Variants in RASGRF2 observed in about 807,000 individuals in gnomAD.
The protein encoded by RASGRF2 is Ras protein specific guanine nucleotide releasing factor 2.
RASGRF2 carries 76 observed loss-of-function variants against 151.0 expected under a neutral mutation model. The observed-to-expected ratio is 0.50, with a 90% confidence interval of 0.42 to 0.61. The LOEUF is 0.61. RASGRF2 is among the 20% of genes least tolerant of loss of function. The pLI is 0.00. For missense variants in RASGRF2, 1,148 were observed against 1,564.6 expected, an observed-to-expected ratio of 0.73 and a Z score of 4.49; for synonymous variants, 504 against 566.5, an observed-to-expected ratio of 0.89 and a Z score of 1.57.
chr5:81,003,788 GAGGCTGA>G (rs1422449019), intron 1 of RASGRF2, among the ~76,000 whole-genome samples: 1 of 152,218 alleles, frequency 6.6e-6, no homozygotes. Context: ...GGCCAGTGCT[GAGGCTGA>G]ACTACAGACC....
At position 81,085,887 on chromosome 5, in the gene RASGRF2, A is replaced by T; in HGVS notation, c.1247A>T (p.Lys416Ile). 1 of 1,614,154 alleles carries T rather than the reference A, an allele frequency of 6.2e-7. No homozygotes were observed. Among genetic ancestry groups the T allele is most frequent in the East Asian group, 2.2e-5 (1 of 44,870 alleles). ...GAAAGGAAAAGCCTGGAGTTTGCCA[A>T]ATCAAAGCTAGAGGAACTATCCAGG... is the stretch of plus-strand genomic sequence containing the variant. ...HVERKSLEFA[K>I]SKLEELSRVM... Residue 416 changes from lysine to isoleucine, a missense_variant, in exon 8 of 27, where the codon AAA (lysine) becomes ATA (isoleucine). Lys to Ile is a moderately radical substitution (Grantham distance 102). Coordinates refer to ENST00000265080, the MANE Select transcript of RASGRF2 (RefSeq NM_006909.3).
At chr5:81,000,015 T>TCCG (rs1325389636) in intron 1 of RASGRF2, among the ~76,000 whole-genome samples, 39 of 152,154 alleles carry the variant, frequency 2.6e-4, no homozygotes, top group African/African-American at 8.4e-4. Flanking sequence ...GGACCTCTGC[T>TCCG]GGGGCTGGAG....
At chr5:81,122,756 G>A (rs1204653650) in intron 15 of RASGRF2, among the ~76,000 whole-genome samples, 1 of 152,174 alleles carries the variant, frequency 6.6e-6, no homozygotes, top group East Asian at 1.9e-4. Context: ...TTCTCTGAAA[G>A]AACATACACA....
chr5:81,053,754 T>C (rs1402389977), intron 2 of RASGRF2, among the ~76,000 whole-genome samples: 2 of 152,298 alleles, frequency 1.3e-5, no homozygotes, highest in East Asian at 3.9e-4. Context: ...AATGTAAAAG[T>C]GTTTCTATTT....
chr5:81,023,900 G>A (rs7717573), intron 1 of RASGRF2, among the ~76,000 whole-genome samples: 1 of 152,038 alleles, frequency 6.6e-6, no homozygotes, highest in Non-Finnish European at 1.5e-5. Context: ...ATTTGTTATT[G>A]TATTGAGTTT....
At chr5:81,209,235 C>T (rs575096646) in intron 22 of RASGRF2, among the ~76,000 whole-genome samples, 2 of 152,138 alleles carry the variant, frequency 1.3e-5, no homozygotes, top group East Asian at 1.9e-4. Flanking sequence ...GCTGTCAGTC[C>T]ATCTTACAGC....
intron 8 of RASGRF2, among the ~76,000 whole-genome samples, chr5:81,086,382 AT>A (rs1752229882): frequency 6.6e-6 from 1 of 152,132 alleles, no homozygotes. Context: ...TTGTATTCAT[AT>A]TTGGTAAGAA....
intron 26 of RASGRF2, 96 bp downstream of exon 26, chr5:81,219,874 C>A: frequency 1.1e-6 from 1 of 932,400 alleles, no homozygotes; most frequent in South Asian, 1.8e-5. Context: ...ATACCAAAAG[C>A]TAGCTCATAG....
chr5:81,056,710 C>T (rs193223476), intron 2 of RASGRF2, among the ~76,000 whole-genome samples: 2 of 152,212 alleles, frequency 1.3e-5, no homozygotes, highest in South Asian at 2.1e-4. Context: ...GTGGATCTGT[C>T]TAATGTTGAC....
Position 81,153,970 on chromosome 5 carries a change from C to T in RASGRF2, c.2687-26205C>T, listed in dbSNP as rs79678976. On this transcript the variant is annotated intron_variant, in intron 17 of 26. Transcript: ENST00000265080. ...AAAAAAACTTATTAACAGCAAAGAG[C>T]GGTGTTTTATAATGAAAACACAGGC... Among the ~76,000 whole-genome samples the T allele has an allele frequency of 9.5e-3, 1,421 of 149,344 alleles. 18 individuals are homozygous for T. Among genetic ancestry groups the T allele is most frequent in the African/African-American group, 0.032 (1,280 of 40,404 alleles).
At chr5:81,011,553 C>G (rs1428366469) in intron 1 of RASGRF2, among the ~76,000 whole-genome samples, 1 of 151,976 alleles carries the variant, frequency 6.6e-6, no homozygotes, top group Non-Finnish European at 1.5e-5. Flanking sequence ...ACTAGCCTGA[C>G]TAACATGGAG....
At chr5:81,127,000 A>C in intron 16 of RASGRF2, 74 bp from the exon 17 acceptor site, 1 of 1,522,910 alleles carries the variant, frequency 6.6e-7, no homozygotes, top group Non-Finnish European at 9.1e-7. Flanking sequence ...TGCAGGAAGA[A>C]AAATGATGAT....
In RASGRF2 at chr5:81,094,849, G is replaced by A. The variant is rs187898951; in HGVS notation, c.1619-7G>A. 572 of 1,591,402 alleles carry A rather than the reference G, an allele frequency of 3.6e-4. 3 individuals carry two copies. The highest frequency in any genetic ancestry group is 3.9e-5 in the Non-Finnish European group (45 of 1,161,166). ...TCATCTAATTGTTTGCTTTACATGTGTTCAAGCTAAAGGTTCTGGGCAAGT... is the reference window on the plus strand; with the variant it reads ...TCATCTAATTGTTTGCTTTACATGTATTCAAGCTAAAGGTTCTGGGCAAGT... On this transcript the variant is annotated splice_polypyrimidine_tract_variant and splice_region_variant and intron_variant, in intron 11 of 26. Transcript: ENST00000265080.
chr5:81,118,209 G>C (rs1753212306), intron 15 of RASGRF2, among the ~76,000 whole-genome samples: 1 of 152,234 alleles, frequency 6.6e-6, no homozygotes, highest in Admixed American at 6.5e-5. Flanking sequence ...CTCTGCCTGG[G>C]ACCCTAGGCT....
intron 1 of RASGRF2, among the ~76,000 whole-genome samples, chr5:81,025,727 C>T (rs1749995766): frequency 6.6e-6 from 1 of 152,116 alleles, no homozygotes; most frequent in Non-Finnish European, 1.5e-5. Context: ...CCTTTGGCTA[C>T]ATTGCCCGTT....
chr5:81,159,468 T>C (rs1431774776), intron 17 of RASGRF2, among the ~76,000 whole-genome samples: 1 of 152,258 alleles, frequency 6.6e-6, no homozygotes, highest in African/African-American at 2.4e-5. Context: ...AAAGACCACG[T>C]ACTCTACGAT....
At chr5:80,967,859 C>T (rs1373272780) in intron 1 of RASGRF2, among the ~76,000 whole-genome samples, 1 of 152,120 alleles carries the variant, frequency 6.6e-6, no homozygotes, top group Non-Finnish European at 1.5e-5. Context: ...AATAGGAGGC[C>T]ACTCATATTA....
chr5:81,097,427 C>T (rs1029305270), intron 12 of RASGRF2, among the ~76,000 whole-genome samples: 1 of 152,120 alleles, frequency 6.6e-6, no homozygotes, highest in Non-Finnish European at 1.5e-5. Context: ...GAGACAACAA[C>T]AACAAAATTT....
rs760696206 is a variant in RASGRF2 at position 81,112,704 on chromosome 5, G to A, written c.1933G>A (p.Glu645Lys). 1 of 1,614,226 alleles carries A rather than the reference G, an allele frequency of 6.2e-7. No individual in the cohort carries two copies. The highest frequency in any genetic ancestry group is 8.5e-7 in the Non-Finnish European group (1 of 1,180,040). The change falls in exon 14 of 27, where the codon GAG becomes AAG. Residue 645 changes from glutamate (E) to lysine (K), a missense_variant. Physicochemically the swap from Glu to Lys is moderately conservative, Grantham distance 56. Coordinates refer to ENST00000265080, the MANE Select transcript of RASGRF2 (RefSeq NM_006909.3). ...GCCCCAGATCCGTTATGCCAGCGTG[G>A]AGCGCCTCTTGGAACGACTGACAGA... ...KVPQIRYASV[E>K]RLLERLTDLR...
Sources: allele counts gnomAD v4.1 joint callset (sites outside exome capture counted in the v4.1 genomes callset), GRCh38; gene constraint gnomAD v4.1.1; transcripts MANE v1.5; gene names NCBI Gene and HGNC (gene_info 2026-07-23, HGNC 2026-07-21).